Variants in EXT2 observed in about 807,000 individuals in gnomAD.
EXT2 encodes the protein exostosin glycosyltransferase 2.
EXT2 carries 53 observed loss-of-function variants against 81.6 expected under a neutral mutation model. The ratio of observed to expected loss-of-function variants is 0.65; its 90% CI spans 0.52 to 0.82. EXT2 has a LOEUF of 0.82. Ranked by LOEUF, EXT2 falls within the 40% of genes least tolerant of loss-of-function variation. EXT2 has a pLI of 0.00. For missense variants in EXT2, 774 were observed against 910.2 expected, an observed-to-expected ratio of 0.85 and a Z score of 1.93; for synonymous variants, 320 against 340.0, an observed-to-expected ratio of 0.94 and a Z score of 0.65.
rs535135255 is a variant in EXT2 at position 44,251,408 on chromosome 11, G to A, written c.*7121G>A. Among the ~76,000 whole-genome samples the A allele has an allele frequency of 6.6e-5, 10 of 152,296 alleles. No homozygotes were observed. The highest frequency in any genetic ancestry group is 2.2e-4 in the African/African-American group (9 of 41,566). On this transcript the variant is annotated 3_prime_UTR_variant, in exon 14 of 14. Coordinates refer to ENST00000533608, the MANE Select transcript of EXT2 (RefSeq NM_207122.2). Reference sequence around the variant, plus strand: ...TATTATATGCTGTGTGGAAGTCTGGGGGTTAGGAAATACCTGGAGGGAGAA... The same window carrying A: ...TATTATATGCTGTGTGGAAGTCTGGAGGTTAGGAAATACCTGGAGGGAGAA...
chr11:44,228,470 C>T (rs1955862172), intron 10 of EXT2, among the ~76,000 whole-genome samples: 1 of 152,190 alleles, frequency 6.6e-6, no homozygotes, highest in Admixed American at 6.5e-5. Context: ...AAATGCTTTA[C>T]TGTATACATA....
intron 4 of EXT2, among the ~76,000 whole-genome samples, chr11:44,123,136 A>G (rs1282833530): frequency 1.3e-5 from 2 of 152,160 alleles, no homozygotes; most frequent in Non-Finnish European, 1.5e-5. Context: ...ACCTTCACTC[A>G]TTGCTTTATG....
chr11:44,197,962 C>T lies in EXT2; in HGVS notation c.1439C>T (p.Pro480Leu), dbSNP rs1257553761. The T allele has an allele frequency of 6.2e-7, 1 of 1,614,054 alleles. No homozygotes were observed. The highest frequency in any genetic ancestry group is 1.7e-5 in the Admixed American group (1 of 60,014). Reference sequence around the variant, plus strand: ...GTCATCACTGAAGTGTCCAAGGTGCCCAGTCTATCCAAACTACTTGTCGTC... The same window carrying T: ...GTCATCACTGAAGTGTCCAAGGTGCTCAGTCTATCCAAACTACTTGTCGTC... ...FRVITEVSKV[P>L]SLSKLLVVWN... is the part of the protein sequence containing the mutation. Residue 480 changes from proline (P) to leucine (L), a missense_variant, in exon 9 of 14, where the codon CCC (proline) becomes CTC (leucine). Pro to Leu is a moderately conservative substitution (Grantham distance 98). Coordinates refer to ENST00000533608, the MANE Select transcript of EXT2 (RefSeq NM_207122.2).
intron 10 of EXT2, among the ~76,000 whole-genome samples, chr11:44,210,878 A>G (rs1232311801): frequency 6.6e-6 from 1 of 152,214 alleles, no homozygotes; most frequent in African/African-American, 2.4e-5. Context: ...GTTACCATGT[A>G]AATTCTTCCC....
chr11:44,152,010 A>G (rs1285956860), intron 7 of EXT2, among the ~76,000 whole-genome samples: 1 of 152,122 alleles, frequency 6.6e-6, no homozygotes, highest in Non-Finnish European at 1.5e-5. Flanking sequence ...CCATCTATGT[A>G]TGTTCTTTGG....
rs1294705017 is a variant in EXT2, at chr11:44,152,611, A to G, written c.1174-19000A>G. On this transcript the variant is annotated intron_variant, in intron 7 of 13. Transcript: ENST00000533608. ...GGTGATCTGCCCTCCTCGCCTTCCC[A>G]AAGTGCTGAGATTACGGGCATGAGC... Among the ~76,000 whole-genome samples the G allele has an allele frequency of 2.0e-5, 3 of 152,270 alleles. No individual in the cohort carries two copies. The East Asian group carries it at 5.8e-4, about 29-fold the overall frequency.
At chr11:44,135,971 G>A (rs1368166503) in intron 7 of EXT2, among the ~76,000 whole-genome samples, 1 of 152,158 alleles carries the variant, frequency 6.6e-6, no homozygotes, top group Non-Finnish European at 1.5e-5. Context: ...TCATGGTGAT[G>A]CCCCTGAATC....
intron 1 of EXT2, among the ~76,000 whole-genome samples, chr11:44,096,549 T>A (rs1279826051): frequency 6.7e-6 from 1 of 150,166 alleles, no homozygotes; most frequent in Non-Finnish European, 1.5e-5. Context: ...GACTGCGGAC[T>A]AGATTGCTGG....
chr11:44,124,871 C>T lies in EXT2; in HGVS notation c.826C>T (p.His276Tyr). ...GGACCTAGAAGCCCTCCAGGTCAAACATGGAGAGTCAGTGTTAGTACTCGA... is the reference window on the plus strand; with the variant it reads ...GGACCTAGAAGCCCTCCAGGTCAAATATGGAGAGTCAGTGTTAGTACTCGA... ...REDLEALQVK[H>Y]GESVLVLDKC... The change falls in exon 5 of 14, where the codon CAT becomes TAT. Residue 276 changes from histidine (H) to tyrosine (Y), a missense_variant. Transcript: ENST00000533608. 1 of 1,614,102 alleles carries T rather than the reference C, an allele frequency of 6.2e-7. No homozygotes were observed. Among genetic ancestry groups the T allele is most frequent in the South Asian group, 1.1e-5 (1 of 91,072 alleles).
intron 9 of EXT2, among the ~76,000 whole-genome samples, chr11:44,199,575 A>G (rs1955498249): frequency 6.6e-6 from 1 of 152,276 alleles, no homozygotes; most frequent in African/African-American, 2.4e-5. Context: ...CCTGCCTGAA[A>G]GGCAGAGTTG....
At chr11:44,198,510 T>C (rs1464719486) in intron 9 of EXT2, among the ~76,000 whole-genome samples, 2 of 152,212 alleles carry the variant, frequency 1.3e-5, no homozygotes, top group Admixed American at 6.5e-5. Flanking sequence ...TCTTCCTTAA[T>C]CACTTTGTTC....
In EXT2 at chr11:44,095,788, C is replaced by T. The variant is rs557739127; in HGVS notation, c.-95C>T. ...ACCGATCCGACCTGGGCGGAGGTGG[C>T]CCGCGCCCCGCGGCATGAGCCGGTG... On this transcript the variant is annotated 5_prime_UTR_variant, in exon 1 of 14. Transcript: ENST00000533608. 355 of 159,634 alleles carry T rather than the reference C, an allele frequency of 2.2e-3. 2 individuals carry two copies. Among genetic ancestry groups the T allele is most frequent in the African/African-American group, 8.0e-3 (335 of 41,662 alleles). 9.9% of individuals were successfully genotyped at this position (159,634 alleles called of 1,614,324 possible).
chr11:44,141,930 C>T (rs1436471001), intron 7 of EXT2, among the ~76,000 whole-genome samples: 3 of 152,090 alleles, frequency 2.0e-5, no homozygotes, highest in African/African-American at 7.2e-5. Context: ...GAATTCATGC[C>T]GTACCTACTT....
intron 7 of EXT2, among the ~76,000 whole-genome samples, chr11:44,132,807 T>C (rs1043556424): frequency 6.6e-6 from 1 of 152,180 alleles, no homozygotes; most frequent in Non-Finnish European, 1.5e-5. Flanking sequence ...CTGTGCTGCT[T>C]TCGGACCATC....
rs11421737 is a variant in EXT2 at position 44,247,243 on chromosome 11, C to CTTTT, written c.*2973_*2976dup. ...CCTGCCAGTGATGCTCTGCTGTATC[C>CTTTT]TTTTTTTTTTTTTTTTTTTTGAGAC... On this transcript the variant is annotated 3_prime_UTR_variant, in exon 14 of 14. Transcript: ENST00000533608. Among the ~76,000 whole-genome samples the CTTTT allele has an allele frequency of 3.6e-4, 42 of 115,162 alleles. No individual in the cohort carries two copies. The highest frequency in any genetic ancestry group is 5.2e-4 in the Non-Finnish European group (30 of 57,686). 75.6% of individuals were successfully genotyped at this position (115,162 alleles called of 152,430 possible).
chr11:44,155,496 T>A (rs1954844671), intron 7 of EXT2, among the ~76,000 whole-genome samples: 1 of 151,560 alleles, frequency 6.6e-6, no homozygotes, highest in Non-Finnish European at 1.5e-5. Context: ...TGTTGCAGGA[T>A]TTTTTTTATA....
intron 2 of EXT2, 88 bp downstream of exon 2, chr11:44,108,336 T>C: frequency 7.1e-7 from 1 of 1,417,176 alleles, no homozygotes; most frequent in Non-Finnish European, 9.7e-7. Flanking sequence ...GGAATGCTTC[T>C]GCTCTTGAGT....
chr11:44,145,354 T>C (rs1170376957), intron 7 of EXT2, among the ~76,000 whole-genome samples: 1 of 152,190 alleles, frequency 6.6e-6, no homozygotes, highest in Non-Finnish European at 1.5e-5. Flanking sequence ...TCAAATAGAA[T>C]ATTATTGATG....
rs1443518429 is a variant in EXT2 at position 44,245,701 on chromosome 11, T to A, written c.*1414T>A. ...GTTGAGTGACATGAAGGTGGGCAGT[T>A]ATTATGCTGTAGTTTCATCAAGAGT... On this transcript the variant is annotated 3_prime_UTR_variant, in exon 14 of 14. Transcript: ENST00000533608. Among the ~76,000 whole-genome samples the A allele has an allele frequency of 6.6e-6, 1 of 152,214 alleles. No homozygotes were observed. Among genetic ancestry groups the A allele is most frequent in the East Asian group, 1.9e-4 (1 of 5,196 alleles).
Sources: gnomAD v4.1 joint callset for allele counts (sites outside exome capture counted in the v4.1 genomes callset) on GRCh38, gnomAD v4.1.1 for gene constraint, MANE v1.5 for transcripts, NCBI Gene and HGNC (gene_info 2026-07-23, HGNC 2026-07-21) for gene names.